The following CADM2 variants were observed in gnomAD, a reference collection of about 807,000 sequenced individuals.
CADM2 encodes immunoglobulin superfamily member 4D.
In CADM2, 12 loss-of-function variants were observed where a neutral mutation model predicts 49.8. The ratio of observed to expected loss-of-function variants is 0.24; its 90% confidence interval spans 0.15 to 0.39. The LOEUF is 0.39. CADM2 is among the 10% of genes least tolerant of loss of function. The pLI, the probability that CADM2 is intolerant of heterozygous loss-of-function variation, is 1.00. For synonymous variants in CADM2, 214 were observed against 175.4 expected, an observed-to-expected ratio of 1.22 and a Z score of -1.74; for missense variants, 378 against 492.3, an observed-to-expected ratio of 0.77 and a Z score of 2.20.
intron 1 of CADM2, among the ~76,000 whole-genome samples, chr3:85,658,021 C>A (rs1475636526): frequency 6.6e-6 from 1 of 151,914 alleles, no homozygotes; most frequent in Non-Finnish European, 1.5e-5. Context: ...AATGGGGATT[C>A]ATTGAAAATT....
chr3:86,012,341 T>G (rs912353704), intron 8 of CADM2, among the ~76,000 whole-genome samples: 3 of 152,198 alleles, frequency 2.0e-5, no homozygotes, highest in African/African-American at 7.2e-5. Context: ...TATGCTTTGT[T>G]TCAATTCTAA....
chr3:85,155,959 A>C (rs1262574336), intron 1 of CADM2, among the ~76,000 whole-genome samples: 2 of 152,220 alleles, frequency 1.3e-5, no homozygotes, highest in African/African-American at 4.8e-5. Context: ...AGGGAAATTT[A>C]TAGCACTAAA....
chr3:85,892,274 T>G (rs537047679), intron 5 of CADM2, among the ~76,000 whole-genome samples: 83 of 152,336 alleles, frequency 5.4e-4, no homozygotes, highest in African/African-American at 1.9e-3. Flanking sequence ...AGCATTAAGA[T>G]TATAAAATTC....
chr3:85,823,391 A>T (rs531302216), intron 3 of CADM2, among the ~76,000 whole-genome samples: 97 of 152,270 alleles, frequency 6.4e-4, no homozygotes, highest in African/African-American at 2.3e-3. Context: ...CCTTAATCAG[A>T]CTACATCAAA....
intron 1 of CADM2, among the ~76,000 whole-genome samples, chr3:85,670,273 TTTTG>T (rs1264941960): frequency 1.3e-5 from 2 of 152,180 alleles, no homozygotes; most frequent in Non-Finnish European, 2.9e-5. Flanking sequence ...AGCTATATTG[TTTTG>T]TTTTTCAGGA....
chr3:85,710,034 A>G (rs1372379577), intron 1 of CADM2, among the ~76,000 whole-genome samples: 8 of 152,156 alleles, frequency 5.3e-5, no homozygotes, highest in Non-Finnish European at 8.8e-5. Context: ...CTCTCCGGAA[A>G]TGGAATCAGG....
chr3:85,934,742 G>A (rs771906315), intron 6 of CADM2, among the ~76,000 whole-genome samples: 1 of 151,688 alleles, frequency 6.6e-6, no homozygotes, highest in East Asian at 1.9e-4. Context: ...TTACACAATC[G>A]GTAGTAACTC....
At chr3:85,233,421 C>T (rs530106439) in intron 1 of CADM2, among the ~76,000 whole-genome samples, 1 of 152,150 alleles carries the variant, frequency 6.6e-6, no homozygotes, top group South Asian at 2.1e-4. Flanking sequence ...ACTCATCCAT[C>T]GTAACTCATG....
chr3:85,898,938 T>TGTGTATATATATATATATAA (rs59859354), intron 5 of CADM2, among the ~76,000 whole-genome samples: 1 of 31,764 alleles, frequency 3.1e-5, no homozygotes. Flanking sequence ...ATTTATTGTG[T>TGTGTATATATATATATATAA]ATATATATAT....
chr3:85,886,377 G>C, intron 5 of CADM2, 50 bp downstream of exon 5: 2 of 1,391,372 alleles, frequency 1.4e-6, no homozygotes, highest in Non-Finnish European at 2.0e-6. Flanking sequence ...AAACCAGTAT[G>C]ACATGTTAAG....
chr3:85,595,492 G>A (rs1017397486), intron 1 of CADM2, among the ~76,000 whole-genome samples: 8 of 152,002 alleles, frequency 5.3e-5, no homozygotes, highest in Non-Finnish European at 1.0e-4. Context: ...GTATTTGGAC[G>A]AGTAGCTCCT....
At chr3:85,659,053 A>AAT (rs2065311483) in intron 1 of CADM2, among the ~76,000 whole-genome samples, 1 of 140,070 alleles carries the variant, frequency 7.1e-6, no homozygotes, top group Non-Finnish European at 1.5e-5. Context: ...CTCTGTCTCT[A>AAT]AATAATAATA....
chr3:85,939,828 A>G (rs1482598067), intron 7 of CADM2, among the ~76,000 whole-genome samples: 3 of 148,476 alleles, frequency 2.0e-5, no homozygotes, highest in Non-Finnish European at 3.0e-5. Context: ...TGCACAGCAC[A>G]TAACATTCCA....
chr3:85,449,615 A>T (rs2037659599), intron 1 of CADM2, among the ~76,000 whole-genome samples: 1 of 152,092 alleles, frequency 6.6e-6, no homozygotes, highest in East Asian at 1.9e-4. Context: ...TACTAAAACA[A>T]GCTCCTTACT....
intron 1 of CADM2, among the ~76,000 whole-genome samples, chr3:85,140,190 A>G (rs547594823): frequency 2.0e-5 from 3 of 152,316 alleles, no homozygotes; most frequent in African/African-American, 7.2e-5. Flanking sequence ...GTTCTCTTGG[A>G]TCACGTACAG....
At chr3:85,273,054 A>C (rs898751416) in intron 1 of CADM2, among the ~76,000 whole-genome samples, 44 of 151,164 alleles carry the variant, frequency 2.9e-4, no homozygotes, top group African/African-American at 9.9e-4. Flanking sequence ...TTTTGGATGA[A>C]ATTTTGAGGA....
chr3:85,321,360 C>G (rs1188046955), intron 1 of CADM2, among the ~76,000 whole-genome samples: 1 of 150,076 alleles, frequency 6.7e-6, no homozygotes, highest in African/African-American at 2.4e-5. Flanking sequence ...TATTTTTGTA[C>G]TTTTAGTAGA....
At chr3:85,699,839 T>C (rs1052850514) in intron 1 of CADM2, among the ~76,000 whole-genome samples, 1 of 152,252 alleles carries the variant, frequency 6.6e-6, no homozygotes, top group African/African-American at 2.4e-5. Context: ...TGTAGCCTGC[T>C]TGAATTCCTC....
At chr3:85,959,262 C>T (rs1309047932) in intron 7 of CADM2, among the ~76,000 whole-genome samples, 1 of 151,560 alleles carries the variant, frequency 6.6e-6, no homozygotes, top group African/African-American at 2.4e-5. Context: ...CATGGCCTCT[C>T]CTGGCATGCT....
Sources: allele counts gnomAD v4.1 joint callset (sites outside exome capture counted in the v4.1 genomes callset), GRCh38; gene constraint gnomAD v4.1.1; transcripts MANE v1.5; gene names NCBI Gene and HGNC (gene_info 2026-07-23, HGNC 2026-07-21).